The following LPP variants were observed in gnomAD, a reference collection of about 807,000 sequenced individuals.
The protein encoded by LPP is LIM domain containing preferred translocation partner in lipoma.
In LPP, 38 loss-of-function variants were observed where a neutral mutation model predicts 60.4. The ratio of observed to expected loss-of-function variants is 0.63; its 90% CI spans 0.49 to 0.83. LPP has a LOEUF of 0.83. Among genes scored for constraint, LPP ranks in the 40% least tolerant of loss-of-function variants. LPP has a pLI of 0.00. For missense variants in LPP, 902 were observed against 783.6 expected (o/e 1.15, Z -1.80); for synonymous variants, 328 against 290.8 (o/e 1.13, Z -1.30).
intron 4 of LPP, among the ~76,000 whole-genome samples, chr3:188,464,935 A>G (rs1470930010): frequency 1.3e-5 from 2 of 150,632 alleles, no homozygotes; most frequent in African/African-American, 4.9e-5. Flanking sequence ...CCACACACCA[A>G]TCTAATTTCG....
At chr3:188,158,286 A>G (rs1330868012) in intron 1 of LPP, among the ~76,000 whole-genome samples, 1 of 152,118 alleles carries the variant, frequency 6.6e-6, no homozygotes, top group East Asian at 1.9e-4. Context: ...TAGTAGAGTG[A>G]GGAAGGGGAA....
intron 4 of LPP, among the ~76,000 whole-genome samples, chr3:188,415,555 T>G (rs1449662482): frequency 2.0e-5 from 3 of 152,034 alleles, no homozygotes; most frequent in African/African-American, 7.2e-5. Flanking sequence ...TATCCTTTGA[T>G]GGGCAGATGT....
intron 6 of LPP, among the ~76,000 whole-genome samples, chr3:188,553,349 C>T (rs1974966): frequency 0.46 from 70,409 of 151,824 alleles, 17,141 homozygotes; most frequent in East Asian, 0.92. Context: ...TTCAGGTAGA[C>T]CTACATTAAG....
At chr3:188,665,590 G>A (rs542737188) in intron 7 of LPP, among the ~76,000 whole-genome samples, 15 of 151,970 alleles carry the variant, frequency 9.9e-5, no homozygotes, top group African/African-American at 2.7e-4. Flanking sequence ...CTCCCGAGGA[G>A]CTGGGATTAC....
intron 7 of LPP, among the ~76,000 whole-genome samples, chr3:188,699,629 T>C (rs1175053344): frequency 6.6e-6 from 1 of 152,210 alleles, no homozygotes; most frequent in East Asian, 1.9e-4. Context: ...CATTCTTCAA[T>C]AAAATGGAAC....
chr3:188,413,677 C>T (rs1313247528), intron 4 of LPP, among the ~76,000 whole-genome samples: 1 of 152,168 alleles, frequency 6.6e-6, no homozygotes, highest in African/African-American at 2.4e-5. Flanking sequence ...TACACTGCAT[C>T]TTTCAGCAGA....
At chr3:188,818,059 A>C (rs1333900622) in intron 9 of LPP, among the ~76,000 whole-genome samples, 1 of 152,126 alleles carries the variant, frequency 6.6e-6, no homozygotes, top group African/African-American at 2.4e-5. Flanking sequence ...CAAGTTACTA[A>C]CTTCAGGCTT....
At chr3:188,428,327 C>T (rs986921929) in intron 4 of LPP, among the ~76,000 whole-genome samples, 3 of 152,170 alleles carry the variant, frequency 2.0e-5, no homozygotes, top group Non-Finnish European at 4.4e-5. Context: ...GTTGATCTCT[C>T]TGGGAGCTGC....
intron 3 of LPP, among the ~76,000 whole-genome samples, chr3:188,366,199 C>T (rs76211316): frequency 0.037 from 5,670 of 152,292 alleles, 150 homozygotes; most frequent in Non-Finnish European, 0.061. Flanking sequence ...TCCATCTTCT[C>T]GTAAATGACA....
chr3:188,186,361 G>A lies in LPP; in HGVS notation c.-190+32109G>A, dbSNP rs183217403. Among the ~76,000 whole-genome samples, 4 of 152,272 alleles carry A rather than the reference G, an allele frequency of 2.6e-5. No homozygotes were observed. In the East Asian group the frequency reaches 7.7e-4, roughly 29 times the overall value. Reference sequence around the variant, plus strand: ...CAGAGTGTTGAAAATTTTATAGGAGGATGCTAGGAGAGAGTTAAAGAGCTT... The same window carrying A: ...CAGAGTGTTGAAAATTTTATAGGAGAATGCTAGGAGAGAGTTAAAGAGCTT... On this transcript the variant is annotated intron_variant, in intron 1 of 11. Coordinates refer to ENST00000617246, the MANE Select transcript of LPP (RefSeq NM_001375462.1).
intron 6 of LPP, among the ~76,000 whole-genome samples, chr3:188,549,098 A>G (rs1049916255): frequency 2.0e-5 from 3 of 152,202 alleles, no homozygotes; most frequent in Admixed American, 2.0e-4. Flanking sequence ...AATATACATT[A>G]TATGTATGGA....
intron 2 of LPP, among the ~76,000 whole-genome samples, chr3:188,303,960 C>G (rs1420860283): frequency 6.6e-6 from 1 of 151,964 alleles, no homozygotes; most frequent in Non-Finnish European, 1.5e-5. Flanking sequence ...CTATAATTAC[C>G]CTATACCTTC....
chr3:188,781,973 G>A (rs1464577301), intron 9 of LPP, among the ~76,000 whole-genome samples: 3 of 151,858 alleles, frequency 2.0e-5, no homozygotes, highest in African/African-American at 7.3e-5. Flanking sequence ...TGGGGATTAT[G>A]GGAACTACAA....
intron 3 of LPP, among the ~76,000 whole-genome samples, chr3:188,363,762 A>G (rs1770257518): frequency 6.6e-6 from 1 of 151,940 alleles, no homozygotes; most frequent in Non-Finnish European, 1.5e-5. Context: ...AAAATTAGCC[A>G]GGCATGATGG....
At chr3:188,648,956 G>A (rs1347721847) in intron 7 of LPP, among the ~76,000 whole-genome samples, 1 of 152,120 alleles carries the variant, frequency 6.6e-6, no homozygotes. Flanking sequence ...TTTCTGTAAT[G>A]CTTCAGGAAG....
In LPP at chr3:188,228,089, G is replaced by C. The variant is rs186227064; in HGVS notation, c.-67+2562G>C. On this transcript the variant is annotated intron_variant, in intron 2 of 11. Coordinates refer to ENST00000617246, the MANE Select transcript of LPP (RefSeq NM_001375462.1). Reference sequence around the variant, plus strand: ...AGACCCTCTAGAGAGCCGGGCTTTAGTTCCTGCCTCACCTTCTGAAAAGGC... The same window carrying C: ...AGACCCTCTAGAGAGCCGGGCTTTACTTCCTGCCTCACCTTCTGAAAAGGC... 1.9e-3 allele frequency among the ~76,000 whole-genome samples: 282 copies of C among 152,350 alleles called. 1 individual carries two copies. Among genetic ancestry groups the C allele is most frequent in the African/African-American group, 6.7e-3 (277 of 41,578 alleles).
chr3:188,770,224 G>A (rs1159949107), intron 9 of LPP, among the ~76,000 whole-genome samples: 1 of 138,650 alleles, frequency 7.2e-6, no homozygotes, highest in African/African-American at 2.7e-5. Flanking sequence ...TGTCACCCAG[G>A]CTGGAGTGCA....
chr3:188,449,624 C>T (rs977282722), intron 4 of LPP, among the ~76,000 whole-genome samples: 5 of 152,036 alleles, frequency 3.3e-5, no homozygotes, highest in Non-Finnish European at 7.4e-5. Context: ...GAGTCAGTAG[C>T]TGAGGCAAGA....
intron 6 of LPP, among the ~76,000 whole-genome samples, chr3:188,596,384 C>G (rs1418221045): frequency 2.0e-5 from 3 of 152,108 alleles, no homozygotes; most frequent in African/African-American, 7.2e-5. Flanking sequence ...AAAACATTTT[C>G]TACCCTTCCT....
Sources: allele counts gnomAD v4.1 joint callset (sites outside exome capture counted in the v4.1 genomes callset), GRCh38; gene constraint gnomAD v4.1.1; transcripts MANE v1.5; gene names NCBI Gene and HGNC (gene_info 2026-07-23, HGNC 2026-07-21).